Variants in SNX29 observed in about 807,000 individuals in gnomAD.
SNX29 encodes sorting nexin 29.
In SNX29, 78 loss-of-function variants were observed where a neutral mutation model predicts 102.1. The ratio of observed to expected loss-of-function variants is 0.76; its 90% confidence interval spans 0.64 to 0.92. The LOEUF (loss-of-function observed/expected upper bound fraction) is 0.92. Ranked by LOEUF, SNX29 falls within the 40% of genes least tolerant of loss-of-function variation. The pLI is 0.00. For synonymous variants in SNX29, 580 were observed against 414.5 expected (o/e 1.40, Z -4.85); for missense variants, 1,280 against 1,061.7 (o/e 1.21, Z -2.86).
At chr16:12,137,833 C>G (rs987814861) in intron 13 of SNX29, among the ~76,000 whole-genome samples, 1 of 152,220 alleles carries the variant, frequency 6.6e-6, no homozygotes, top group Admixed American at 6.5e-5. Flanking sequence ...GGCTTGAATT[C>G]CAGCCCAGCT....
At chr16:12,357,431 C>T (rs1219533455) in intron 16 of SNX29, among the ~76,000 whole-genome samples, 1 of 152,292 alleles carries the variant, frequency 6.6e-6, no homozygotes, top group East Asian at 1.9e-4. Flanking sequence ...TTGCCTCATA[C>T]CTTTGAATAG....
At chr16:12,104,990 C>G (rs186246052) in intron 11 of SNX29, among the ~76,000 whole-genome samples, 11 of 152,330 alleles carry the variant, frequency 7.2e-5, no homozygotes, top group African/African-American at 1.2e-4. Context: ...TGCAGATCCA[C>G]TCGGGTTTTA....
chr16:12,120,362 T>C (rs192878278), intron 11 of SNX29, among the ~76,000 whole-genome samples: 2 of 152,360 alleles, frequency 1.3e-5, no homozygotes, highest in Admixed American at 6.5e-5. Flanking sequence ...AAAAAGATGC[T>C]ATATAAAGCC....
rs193068834 is a variant in SNX29, at chr16:12,477,583, G to T, written c.2038-136G>T. ...ACTAATAAATCCCTGCTCTATGCCA[G>T]GAACTGGGCATCCAGTGGTGTGTGA... On this transcript the variant is annotated intron_variant, in intron 18 of 20. Coordinates refer to ENST00000566228, the MANE Select transcript of SNX29 (RefSeq NM_032167.5). 1,764 of 1,002,424 alleles carry T rather than the reference G, an allele frequency of 1.8e-3. 5 individuals are homozygous for T. Among genetic ancestry groups the T allele is most frequent in the Non-Finnish European group, 1.8e-3 (1,201 of 676,592 alleles). 62.1% of individuals were successfully genotyped at this position (1,002,424 alleles called of 1,614,324 possible).
intron 11 of SNX29, chr16:12,088,267 C>T (rs945334003): frequency 1.8e-5 from 7 of 382,068 alleles, no homozygotes; most frequent in East Asian, 1.4e-4. Flanking sequence ...ACCGGCTCTG[C>T]GGGGTCAGAG....
At chr16:11,987,905 A>G (rs1395181598) in intron 1 of SNX29, among the ~76,000 whole-genome samples, 1 of 152,214 alleles carries the variant, frequency 6.6e-6, no homozygotes. Context: ...GCATTGCCAC[A>G]TCGCTTTTCA....
chr16:12,388,212 G>A (rs922823382), intron 16 of SNX29, among the ~76,000 whole-genome samples: 6 of 152,198 alleles, frequency 3.9e-5, no homozygotes, highest in African/African-American at 1.2e-4. Context: ...GTTATAGAAG[G>A]AGCACAACTT....
chr16:12,080,894 G>A (rs1280007916), intron 11 of SNX29, among the ~76,000 whole-genome samples: 2 of 150,466 alleles, frequency 1.3e-5, no homozygotes, highest in Admixed American at 1.3e-4. Flanking sequence ...ATGTTGGCCG[G>A]GCTGGTCTTG....
intron 18 of SNX29, among the ~76,000 whole-genome samples, chr16:12,419,429 T>G (rs914780415): frequency 6.6e-6 from 1 of 152,116 alleles, no homozygotes; most frequent in Non-Finnish European, 1.5e-5. Context: ...CCATTGACAC[T>G]TGCACGCTCT....
chr16:12,380,660 AC>A (rs2083062699), intron 16 of SNX29, among the ~76,000 whole-genome samples: 1 of 53,930 alleles, frequency 1.9e-5, no homozygotes, highest in East Asian at 5.3e-4. Flanking sequence ...CCATCCATCC[AC>A]CCACCCACCA....
At chr16:12,355,865 AAAAAAAAAAAAG>A (rs2082118375) in intron 15 of SNX29, among the ~76,000 whole-genome samples, 2 of 149,214 alleles carry the variant, frequency 1.3e-5, no homozygotes, top group Admixed American at 6.7e-5. Flanking sequence ...AAAAAAAAAA[AAAAAAAAAAAAG>A]AGAGAGGAAA....
At chr16:12,158,808 G>A (rs2055662681) in intron 13 of SNX29, among the ~76,000 whole-genome samples, 1 of 152,214 alleles carries the variant, frequency 6.6e-6, no homozygotes, top group Admixed American at 6.5e-5. Flanking sequence ...GCGGATATGG[G>A]GATTGAGTGA....
chr16:12,180,570 G>A (rs908549009), intron 13 of SNX29, among the ~76,000 whole-genome samples: 8 of 151,678 alleles, frequency 5.3e-5, no homozygotes, highest in East Asian at 1.9e-4. Context: ...TGCAAGCTAC[G>A]CCTCCCGGGT....
At chr16:12,294,163 C>T (rs2079899453) in intron 15 of SNX29, among the ~76,000 whole-genome samples, 1 of 152,262 alleles carries the variant, frequency 6.6e-6, no homozygotes. Context: ...TGTCACCTGA[C>T]CTCTGTGAGC....
At position 12,116,362 on chromosome 16, in the gene SNX29, A is replaced by T. The variant is rs2053702476; in HGVS notation, c.1403-10271A>T. ...AATTGTGGCATATCCATACAGTGGAACATGATTCAGCTATAAAAGGAATGA... is the reference window on the plus strand; with the variant it reads ...AATTGTGGCATATCCATACAGTGGATCATGATTCAGCTATAAAAGGAATGA... On this transcript the variant is annotated intron_variant, in intron 11 of 20. Transcript: ENST00000566228. 3.3e-5 allele frequency among the ~76,000 whole-genome samples: 5 copies of T among 152,232 alleles called. No individual in the cohort carries two copies. In the South Asian group the frequency reaches 1.0e-3, roughly 31 times the overall value.
chr16:12,221,579 A>T (rs1417007073), intron 14 of SNX29, among the ~76,000 whole-genome samples: 1 of 152,240 alleles, frequency 6.6e-6, no homozygotes, highest in Non-Finnish European at 1.5e-5. Context: ...GCGCCACTGC[A>T]CACCAGCCTG....
chr16:12,512,367 AAAATATATATATATATAT>A (rs1429453318), intron 19 of SNX29, among the ~76,000 whole-genome samples: 1,783 of 39,464 alleles, frequency 0.045, 132 homozygotes, highest in African/African-American at 0.14. Context: ...AGGCCCAGGG[AAAATATATATATATATAT>A]ATATATATAT....
At chr16:12,380,147 G>A (rs1437993908) in intron 16 of SNX29, among the ~76,000 whole-genome samples, 3 of 136,714 alleles carry the variant, frequency 2.2e-5, no homozygotes, top group African/African-American at 1.1e-4. Context: ...CCCAGGAAGA[G>A]TCCTTAGCTG....
intron 14 of SNX29, among the ~76,000 whole-genome samples, chr16:12,263,124 T>C (rs1057459310): frequency 2.0e-5 from 3 of 151,436 alleles, no homozygotes; most frequent in Non-Finnish European, 4.4e-5. Flanking sequence ...TCTTGGACTG[T>C]TGTCCACCTT....
Sources: gnomAD v4.1 joint callset for allele counts (sites outside exome capture counted in the v4.1 genomes callset) on GRCh38, gnomAD v4.1.1 for gene constraint, MANE v1.5 for transcripts, NCBI Gene and HGNC (gene_info 2026-07-23, HGNC 2026-07-21) for gene names.